CYP7B1: variants seen among roughly 807,000 people sequenced by gnomAD.
The protein encoded by CYP7B1 is cytochrome P450 7B1.
In CYP7B1, 29 loss-of-function variants were observed where a neutral mutation model predicts 42.7. That is an observed-to-expected ratio of 0.68 (90% CI 0.51 to 0.93). The LOEUF (loss-of-function observed/expected upper bound fraction) is 0.93, where lower values mean the gene tolerates loss of function less well. CYP7B1 is among the 40% of genes least tolerant of loss of function. The pLI, the probability that CYP7B1 is intolerant of heterozygous loss-of-function variation, is 0.00. For missense variants in CYP7B1, 655 were observed against 600.5 expected (o/e 1.09, Z -0.95); for synonymous variants, 235 against 218.2 (o/e 1.08, Z -0.68).
intron 1 of CYP7B1, among the ~76,000 whole-genome samples, chr8:64,645,032 T>G (rs548521914): frequency 6.6e-6 from 1 of 151,698 alleles, no homozygotes; most frequent in African/African-American, 2.4e-5. Context: ...GTCCTTGCAA[T>G]AGTTTACTGA....
At chr8:64,606,172 T>C (rs1051176146) in intron 4 of CYP7B1, among the ~76,000 whole-genome samples, 2 of 152,206 alleles carry the variant, frequency 1.3e-5, no homozygotes, top group African/African-American at 4.8e-5. Flanking sequence ...TCTCTTGGAC[T>C]GCCTTCGTTA....
chr8:64,691,008 C>T (rs765697169), intron 1 of CYP7B1, among the ~76,000 whole-genome samples: 3 of 152,152 alleles, frequency 2.0e-5, no homozygotes, highest in Non-Finnish European at 2.9e-5. Flanking sequence ...TGTTCTATAA[C>T]GCTCTGGGAT....
intron 1 of CYP7B1, among the ~76,000 whole-genome samples, chr8:64,750,385 A>G (rs1563414706): frequency 6.6e-6 from 1 of 152,206 alleles, no homozygotes; most frequent in Admixed American, 6.5e-5. Context: ...GGCTTAAAAC[A>G]TCTAGATGTT....
chr8:64,611,203 G>A (rs1805358216), intron 4 of CYP7B1, among the ~76,000 whole-genome samples: 1 of 152,046 alleles, frequency 6.6e-6, no homozygotes, highest in African/African-American at 2.4e-5. Context: ...TATCAGACAG[G>A]CCTGAGGGGA....
chr8:64,646,933 C>A (rs760596051), intron 1 of CYP7B1, among the ~76,000 whole-genome samples: 1 of 152,222 alleles, frequency 6.6e-6, no homozygotes, highest in Non-Finnish European at 1.5e-5. Context: ...GCATTCACAT[C>A]TTGGCTAACT....
intron 4 of CYP7B1, among the ~76,000 whole-genome samples, chr8:64,613,398 G>A (rs2129630128): frequency 6.6e-6 from 1 of 152,220 alleles, no homozygotes. Context: ...TAAAAAGAGT[G>A]GATGAATTAC....
intron 1 of CYP7B1, among the ~76,000 whole-genome samples, chr8:64,773,491 A>G (rs1463424938): frequency 6.6e-6 from 1 of 152,210 alleles, no homozygotes; most frequent in Admixed American, 6.5e-5. Context: ...CATGTTTACA[A>G]TTGCAAAAAA....
chr8:64,644,598 G>A (rs1461897909), intron 1 of CYP7B1, among the ~76,000 whole-genome samples: 1 of 152,156 alleles, frequency 6.6e-6, no homozygotes, highest in Non-Finnish European at 1.5e-5. Context: ...GTGACTAGGT[G>A]TGTTGTCAAT....
chr8:64,752,033 G>A (rs1760930470), intron 1 of CYP7B1, among the ~76,000 whole-genome samples: 1 of 152,044 alleles, frequency 6.6e-6, no homozygotes, highest in Non-Finnish European at 1.5e-5. Flanking sequence ...TTATGAATAT[G>A]TTTGTTCTAG....
intron 1 of CYP7B1, among the ~76,000 whole-genome samples, chr8:64,698,669 G>A (rs1285001386): frequency 1.3e-5 from 2 of 152,094 alleles, no homozygotes; most frequent in African/African-American, 4.8e-5. Flanking sequence ...GAAAAATGCT[G>A]GCACATCTGA....
intron 1 of CYP7B1, among the ~76,000 whole-genome samples, chr8:64,762,987 T>C (rs1330964627): frequency 6.7e-6 from 1 of 148,510 alleles, no homozygotes; most frequent in African/African-American, 2.4e-5. Context: ...TCCCACTGTA[T>C]GGGAGCTGTG....
intron 1 of CYP7B1, among the ~76,000 whole-genome samples, chr8:64,712,339 T>C (rs1055174831): frequency 6.6e-6 from 1 of 152,118 alleles, no homozygotes; most frequent in East Asian, 1.9e-4. Flanking sequence ...AGCACTTGCA[T>C]TCTGGATCTC....
chr8:64,665,786 G>A (rs918753934), intron 1 of CYP7B1, among the ~76,000 whole-genome samples: 3 of 151,792 alleles, frequency 2.0e-5, no homozygotes, highest in Admixed American at 6.6e-5. Context: ...ATGTTGGTCC[G>A]GCTGGTCTCG....
intron 1 of CYP7B1, among the ~76,000 whole-genome samples, chr8:64,736,016 T>A (rs547713238): frequency 6.6e-6 from 1 of 152,356 alleles, no homozygotes; most frequent in African/African-American, 2.4e-5. Flanking sequence ...ATATACTTCC[T>A]GGTGAGTAAA....
intron 1 of CYP7B1, among the ~76,000 whole-genome samples, chr8:64,727,144 T>C (rs1202804213): frequency 6.6e-6 from 1 of 152,194 alleles, no homozygotes; most frequent in East Asian, 1.9e-4. Context: ...CCTGCTGTGC[T>C]TTCCCTGCCC....
chr8:64,671,661 C>G (rs949657268), intron 1 of CYP7B1, among the ~76,000 whole-genome samples: 3 of 152,098 alleles, frequency 2.0e-5, no homozygotes, highest in Non-Finnish European at 4.4e-5. Flanking sequence ...TTGGACTTGA[C>G]AGCTCCTGCA....
At chr8:64,669,031 C>T (rs905791468) in intron 1 of CYP7B1, among the ~76,000 whole-genome samples, 1 of 151,994 alleles carries the variant, frequency 6.6e-6, no homozygotes, top group African/African-American at 2.4e-5. Flanking sequence ...AAATGGGTAC[C>T]ATTTTGTAGG....
chr8:64,746,063 T>C (rs150812243), intron 1 of CYP7B1, among the ~76,000 whole-genome samples: 327 of 152,154 alleles, frequency 2.1e-3, no homozygotes, highest in African/African-American at 7.6e-3. Context: ...AAATTTTAAA[T>C]ATATTTAAAC....
intron 5 of CYP7B1, among the ~76,000 whole-genome samples, chr8:64,601,034 C>G (rs148127687): frequency 5.6e-4 from 86 of 152,280 alleles, no homozygotes; most frequent in Middle Eastern, 3.4e-3. Flanking sequence ...GGCACAATCT[C>G]TATTCCATTT....
Sources: gnomAD v4.1 joint callset for allele counts (sites outside exome capture counted in the v4.1 genomes callset) on GRCh38, gnomAD v4.1.1 for gene constraint, MANE v1.5 for transcripts, NCBI Gene and HGNC (gene_info 2026-07-23, HGNC 2026-07-21) for gene names.